The following PIP4K2B variants were observed in gnomAD, a reference collection of about 807,000 sequenced individuals.
The protein encoded by PIP4K2B is phosphatidylinositol 5-phosphate 4-kinase type-2 beta.
In PIP4K2B, 3 loss-of-function variants were observed where a neutral mutation model predicts 42.0. The ratio of observed to expected loss-of-function variants is 0.07; its 90% CI spans 0.03 to 0.18. PIP4K2B has a LOEUF of 0.18. Ranked by LOEUF, PIP4K2B falls within the 10% of genes least tolerant of loss-of-function variation. The pLI, the probability that PIP4K2B is intolerant of heterozygous loss-of-function variation, is 1.00. For missense variants in PIP4K2B, 332 were observed against 562.3 expected, an observed-to-expected ratio of 0.59 and a Z score of 4.14; for synonymous variants, 204 against 210.1, an observed-to-expected ratio of 0.97 and a Z score of 0.25.
Position 38,797,161 on chromosome 17 carries a change from TCAAA to T in PIP4K2B, c.159+2101_159+2104del, listed in dbSNP as rs538972533. Among the ~76,000 whole-genome samples, 592 of 152,178 alleles carry T rather than the reference TCAAA, an allele frequency of 3.9e-3. 13 individuals are homozygous for T. The highest frequency in any genetic ancestry group is 1.1e-3 in the Non-Finnish European group (77 of 67,994). On this transcript the variant is annotated intron_variant, in intron 1 of 9. Coordinates refer to ENST00000619039, the MANE Select transcript of PIP4K2B (RefSeq NM_003559.5). ...AGTCAATGCCTTTCCAACTAGCCCC[TCAAA>T]CAAACTTTCAACTTAAAGTTAGCAA... is the stretch of plus-strand genomic sequence containing the variant.
intron 1 of PIP4K2B, among the ~76,000 whole-genome samples, chr17:38,795,257 G>A (rs1312661533): frequency 6.6e-6 from 1 of 151,944 alleles, no homozygotes; most frequent in Admixed American, 6.6e-5. Context: ...ATTTAATAAT[G>A]GGCAAAAAGA....
rs943096830 is a variant in PIP4K2B at position 38,784,423 on chromosome 17, A to G, written c.258-84T>C. The G allele has an allele frequency of 2.1e-5, 16 of 779,622 alleles. No individual in the cohort carries two copies. In the Admixed American group the frequency reaches 2.3e-4, roughly 11 times the overall value. The allele number at this position is 779,622 out of a possible 1,614,324, so 48.3% of individuals were successfully genotyped here. On this transcript the variant is annotated intron_variant, in intron 2 of 9. Transcript: ENST00000619039. ...ATTATTATTATTTTTTGTAATAGAG[A>G]CAGAGTCTTGCTATGTTGCCCAGAC...
chr17:38,792,269 C>T (rs565003902), intron 1 of PIP4K2B, among the ~76,000 whole-genome samples: 130 of 152,194 alleles, frequency 8.5e-4, no homozygotes, highest in Non-Finnish European at 1.5e-3. Context: ...CCATCTCAGC[C>T]TCCCTAGTAG....
At chr17:38,771,355 C>T in intron 7 of PIP4K2B, 83 bp from the exon 8 acceptor site, 2 of 1,472,032 alleles carry the variant, frequency 1.4e-6, no homozygotes, top group Non-Finnish European at 1.9e-6. Context: ...GGGGGAAAGG[C>T]ATTCCTTTCA....
chr17:38,794,609 T>TAAAAAAA (rs34374571), intron 1 of PIP4K2B, among the ~76,000 whole-genome samples: 2 of 34,236 alleles, frequency 5.8e-5, no homozygotes, highest in African/African-American at 1.4e-4. Flanking sequence ...CCCAATTCAT[T>TAAAAAAA]AAAAAAAAAA....
chr17:38,794,934 TA>T (rs1211644463), intron 1 of PIP4K2B, among the ~76,000 whole-genome samples: 4 of 151,528 alleles, frequency 2.6e-5, no homozygotes, highest in Admixed American at 6.6e-5. Context: ...ACCCTGTCTC[TA>T]CTAAAAATAC....
At chr17:38,774,733 G>C (rs1909231336) in intron 7 of PIP4K2B, among the ~76,000 whole-genome samples, 1 of 151,698 alleles carries the variant, frequency 6.6e-6, no homozygotes, top group South Asian at 2.1e-4. Context: ...TCGCGCCACT[G>C]TACTCCAGCC....
rs1477056094 is a variant in PIP4K2B, at chr17:38,768,041, C to T, written c.*1650G>A. 6.6e-6 allele frequency: 1 copy of T among 152,268 alleles called. No individual in the cohort carries two copies. Among genetic ancestry groups the T allele is most frequent in the African/African-American group, 2.4e-5 (1 of 41,468 alleles). The allele number at this position is 152,268 out of a possible 1,614,324, so 9.4% of individuals were successfully genotyped here. A position where few individuals can be genotyped will look rare whatever the true frequency, so the allele number is the denominator to read the frequency against. ...ATATGCTGTGAGTCAGGCACAGAGA[C>T]AGTGCTGGTTCCTGCTTCGGAAGCT... On this transcript the variant is annotated 3_prime_UTR_variant, in exon 10 of 10. Coordinates refer to ENST00000619039, the MANE Select transcript of PIP4K2B (RefSeq NM_003559.5).
intron 3 of PIP4K2B, among the ~76,000 whole-genome samples, chr17:38,783,774 A>AT (rs1909839940): frequency 6.6e-6 from 1 of 151,656 alleles, no homozygotes; most frequent in South Asian, 2.1e-4. Context: ...CTAATTTTGT[A>AT]TTTTTTAGTA....
chr17:38,777,582 C>T, intron 7 of PIP4K2B, 105 bp downstream of exon 7: 1 of 786,208 alleles, frequency 1.3e-6, no homozygotes, highest in Non-Finnish European at 2.2e-6. Context: ...ACCCTTTTGT[C>T]CATACTCCTG....
chr17:38,799,230 G>C lies in PIP4K2B; in HGVS notation c.159+36C>G. 6.4e-7 allele frequency: 1 copy of C among 1,552,198 alleles called. No homozygotes were observed. On this transcript the variant is annotated intron_variant, in intron 1 of 9. Coordinates refer to ENST00000619039, the MANE Select transcript of PIP4K2B (RefSeq NM_003559.5). This position sits in a 1 kb window ranked among gnomAD's most constrained non-coding sequence, Gnocchi z 4.4. Reference sequence around the variant, plus strand: ...GCTGCAGGGGGCGTGGGAGCGCGCGGGGCCGCGCTCAGAGGGGCGCGCAGG... The same window carrying C: ...GCTGCAGGGGGCGTGGGAGCGCGCGCGGCCGCGCTCAGAGGGGCGCGCAGG...
intron 1 of PIP4K2B, among the ~76,000 whole-genome samples, chr17:38,789,876 TAATTC>T (rs1910254785): frequency 1.3e-5 from 2 of 152,216 alleles, no homozygotes; most frequent in Middle Eastern, 3.4e-3. Flanking sequence ...GTATCCTGTA[TAATTC>T]CATTTATATG....
intron 1 of PIP4K2B, among the ~76,000 whole-genome samples, chr17:38,797,238 CCT>C (rs1910702780): frequency 1.3e-5 from 2 of 152,182 alleles, no homozygotes; most frequent in Admixed American, 6.5e-5. Context: ...TCACAGGACT[CCT>C]GACTCGTGAT....
chr17:38,779,617 G>T (rs1909584827), intron 4 of PIP4K2B, 88 bp from the exon 5 acceptor site: 1 of 1,220,300 alleles, frequency 8.2e-7, no homozygotes, highest in Non-Finnish European at 1.2e-6. Flanking sequence ...ATGCTCCCTG[G>T]CTCCCTGGGA....
intron 7 of PIP4K2B, among the ~76,000 whole-genome samples, chr17:38,774,790 A>G (rs1284122206): frequency 6.6e-6 from 1 of 152,088 alleles, no homozygotes; most frequent in Admixed American, 6.5e-5. Flanking sequence ...AATAAATAAA[A>G]TAAAAAATAA....
chr17:38,786,972 G>T (rs1275251046), intron 1 of PIP4K2B, 52 bp from the exon 2 acceptor site: 8 of 1,091,952 alleles, frequency 7.3e-6, no homozygotes, highest in Non-Finnish European at 1.1e-5. Context: ...ACCTGCCTCA[G>T]AGACACTAAG....
chr17:38,795,050 A>C (rs228235), intron 1 of PIP4K2B, among the ~76,000 whole-genome samples: 8,805 of 145,926 alleles, frequency 0.06, 955 homozygotes, highest in African/African-American at 0.22. Context: ...CAGTGAGCCA[A>C]GATCACACCG....
At chr17:38,793,612 T>C (rs1910459384) in intron 1 of PIP4K2B, among the ~76,000 whole-genome samples, 1 of 152,170 alleles carries the variant, frequency 6.6e-6, no homozygotes, top group Non-Finnish European at 1.5e-5. Flanking sequence ...GGCTCACGCC[T>C]GTAATCCTAG....
intron 3 of PIP4K2B, among the ~76,000 whole-genome samples, 178 bp downstream of exon 3, chr17:38,784,065 G>A (rs1909862365): frequency 6.6e-6 from 1 of 152,186 alleles, no homozygotes; most frequent in Non-Finnish European, 1.5e-5. Context: ...GCATTTCTAA[G>A]GCCCTCGCCC....
Sources: allele counts gnomAD v4.1 joint callset (sites outside exome capture counted in the v4.1 genomes callset), GRCh38; gene constraint gnomAD v4.1.1; non-coding constraint Gnocchi (gnomAD v3.1); transcripts MANE v1.5; gene names NCBI Gene and HGNC (gene_info 2026-07-23, HGNC 2026-07-21).